DNAH17: variants seen among roughly 807,000 people sequenced by gnomAD.
DNAH17 encodes the protein dynein axonemal heavy chain 17.
DNAH17 carries 376 observed loss-of-function variants against 485.6 expected under a neutral mutation model. The observed-to-expected ratio is 0.77, with a 90% CI of 0.71 to 0.84. The LOEUF is 0.84. Ranked by LOEUF, DNAH17 falls within the 40% of genes least tolerant of loss-of-function variation. The pLI is 0.00. For missense variants in DNAH17, 6,370 were observed against 5,839.3 expected (o/e 1.09, Z -2.96); for synonymous variants, 3,031 against 2,405.9 (o/e 1.26, Z -7.60).
In DNAH17 at chr17:78,514,861, G is replaced by A. The variant is rs370781337; in HGVS notation, c.4026C>T (p.Asn1342=). ...TCACGGCACGCAGGGACGTGATCAC[G>A]TTTTTCACGGTGTTGTCGAGCCCCA... ...AFVGLDNTVK[N]VITSLRAVSE... The change falls in exon 26 of 81, where the codon AAC becomes AAT. Residue 1342 remains asparagine (N), a synonymous_variant. Transcript: ENST00000389840. 71 of 1,613,926 alleles carry A rather than the reference G, an allele frequency of 4.4e-5. No homozygotes were observed. Among genetic ancestry groups the A allele is most frequent in the Admixed American group, 1.2e-4 (7 of 60,000 alleles).
chr17:78,477,928 C>T (rs1452338315), intron 51 of DNAH17, among the ~76,000 whole-genome samples: 20 of 149,492 alleles, frequency 1.3e-4, no homozygotes, highest in African/African-American at 5.1e-4. Flanking sequence ...CCATCACCAC[C>T]ATCATCACCA....
Position 78,502,713 on chromosome 17 carries a change from C to A in DNAH17, c.5083-15G>T, listed in dbSNP as rs771332481. ...GTCAGGGCCACCTGAAAGTACATAC[C>A]CCCCATTGCCCACGCAGTGAGCGAT... is the stretch of plus-strand genomic sequence containing the variant. On this transcript the variant is annotated splice_polypyrimidine_tract_variant and intron_variant, in intron 32 of 80. Coordinates refer to ENST00000389840, the MANE Select transcript of DNAH17 (RefSeq NM_173628.4). 9.9e-6 allele frequency: 16 copies of A among 1,608,320 alleles called. No homozygotes were observed. Among genetic ancestry groups the A allele is most frequent in the Non-Finnish European group, 1.4e-5 (16 of 1,179,156 alleles).
chr17:78,495,217 T>C (rs967706603), intron 38 of DNAH17, 120 bp from the exon 39 acceptor site: 2 of 1,310,130 alleles, frequency 1.5e-6, no homozygotes, highest in Non-Finnish European at 2.0e-6. Context: ...CAGCAGAGTG[T>C]TGAACCTTCG....
Position 78,444,803 on chromosome 17 carries a change from G to A in DNAH17, c.11335-6C>T, listed in dbSNP as rs2087211659. 4 of 1,557,034 alleles carry A rather than the reference G, an allele frequency of 2.6e-6. No individual in the cohort carries two copies. In the East Asian group the frequency reaches 6.8e-5, roughly 26 times the overall value. On this transcript the variant is annotated splice_polypyrimidine_tract_variant and splice_region_variant and intron_variant, in intron 70 of 80. Transcript: ENST00000389840. ...TCATCCATCTCCGAGAGGGCCTAGG[G>A]GCAGAGGCAGCGGGCCCTGTGACTC... is the stretch of plus-strand genomic sequence containing the variant.
At chr17:78,569,325 T>C in intron 8 of DNAH17, 50 bp downstream of exon 8, 1 of 1,606,540 alleles carries the variant, frequency 6.2e-7, no homozygotes, top group Non-Finnish European at 8.5e-7. Flanking sequence ...TCGGGGCTCA[T>C]ATGAACTCAC....
At chr17:78,563,033 G>T (rs1403511223) in intron 11 of DNAH17, among the ~76,000 whole-genome samples, 2 of 152,318 alleles carry the variant, frequency 1.3e-5, no homozygotes, top group South Asian at 4.1e-4. Context: ...TGAGAAAGGT[G>T]ACCACTGTCC....
chr17:78,543,718 T>C, intron 17 of DNAH17, 139 bp downstream of exon 17: 3 of 1,324,292 alleles, frequency 2.3e-6, no homozygotes, highest in Non-Finnish European at 2.1e-6. Context: ...AGCCACTGCA[T>C]CCAGCCAGGT....
intron 56 of DNAH17, among the ~76,000 whole-genome samples, chr17:78,463,524 A>T (rs2088257975): frequency 6.6e-6 from 1 of 152,318 alleles, no homozygotes; most frequent in East Asian, 1.9e-4. Context: ...ACATACCTGC[A>T]TATGTACACG....
In DNAH17 at chr17:78,441,078, C is replaced by T. The variant is rs1200327446; in HGVS notation, c.11650G>A (p.Asp3884Asn). 1 of 1,606,184 alleles carries T rather than the reference C, an allele frequency of 6.2e-7. No individual in the cohort carries two copies. Among genetic ancestry groups the T allele is most frequent in the Non-Finnish European group, 8.5e-7 (1 of 1,176,258 alleles). ...SIFFILSPGVDPLKDVEALGK... is the reference protein window; with the variant it reads ...SIFFILSPGVNPLKDVEALGK... Reference sequence around the variant, plus strand: ...AGGGCTTCCACGTCTTTCAAGGGGTCAACCCCCGGGGAGAGGATGAAGAAG... The same window carrying T: ...AGGGCTTCCACGTCTTTCAAGGGGTTAACCCCCGGGGAGAGGATGAAGAAG... Residue 3884 changes from aspartate (D) to asparagine (N), a missense_variant, in exon 72 of 81, where the codon GAC becomes AAC. Physicochemically the swap from Asp to Asn is conservative, Grantham distance 23. Coordinates refer to ENST00000389840, the MANE Select transcript of DNAH17 (RefSeq NM_173628.4).
At chr17:78,490,387 C>T (rs1325560309) in intron 44 of DNAH17, among the ~76,000 whole-genome samples, 1 of 152,196 alleles carries the variant, frequency 6.6e-6, no homozygotes, top group Non-Finnish European at 1.5e-5. Context: ...GGATGGCAGC[C>T]CAAACTTCAA....
chr17:78,526,615 G>A (rs370001729), intron 24 of DNAH17, 36 bp downstream of exon 24: 1 of 1,525,554 alleles, frequency 6.6e-7, no homozygotes, highest in African/African-American at 1.4e-5. Flanking sequence ...GGGGTTCCCA[G>A]ACTTACCCCC....
chr17:78,510,644 T>C, intron 26 of DNAH17, 138 bp from the exon 27 acceptor site: 3 of 1,156,792 alleles, frequency 2.6e-6, no homozygotes, highest in Non-Finnish European at 2.5e-6. Flanking sequence ...AGCTCTGCTC[T>C]GCCATTTTCA....
At chr17:78,438,943 T>C in intron 73 of DNAH17, 147 bp downstream of exon 73, 1 of 1,214,714 alleles carries the variant, frequency 8.2e-7, no homozygotes, top group Non-Finnish European at 1.1e-6. Context: ...ACACTGGGGA[T>C]GCCTCCTCCT....
At chr17:78,484,060 C>T (rs565394800) in intron 48 of DNAH17, among the ~76,000 whole-genome samples, 82 of 119,198 alleles carry the variant, frequency 6.9e-4, no homozygotes, top group Admixed American at 1.3e-3. Context: ...CGAGCCATTG[C>T]ACTCCAGCCT....
rs368611303 is a variant in DNAH17 at position 78,461,586 on chromosome 17, G to A, written c.9297C>T (p.Ala3099=). Residue 3099 remains alanine (A), a synonymous_variant, in exon 58 of 81, where the codon GCC becomes GCT. Coordinates refer to ENST00000389840, the MANE Select transcript of DNAH17 (RefSeq NM_173628.4). ...IEAEKVSKEK[A]IADQEEVKVE... ...CCTTGACTTCTTCCTGGTCAGCAAT[G>A]GCCTTCTCTTTGCTGACCTTCTCGG... 29 of 1,605,186 alleles carry A rather than the reference G, an allele frequency of 1.8e-5. No individual in the cohort carries two copies. The highest frequency in any genetic ancestry group is 9.4e-5 in the African/African-American group (7 of 74,742).
At chr17:78,558,449 G>C (rs902344471) in intron 13 of DNAH17, among the ~76,000 whole-genome samples, 195 bp from the exon 14 acceptor site, 1 of 113,204 alleles carries the variant, frequency 8.8e-6, no homozygotes, top group South Asian at 2.6e-4. Flanking sequence ...GGAAAGCACT[G>C]ACATCACCCT....
At position 78,570,944 on chromosome 17, in the gene DNAH17, G is replaced by GGAA. The variant is rs1181766824; in HGVS notation, c.918+3_918+4insTTC. Reference sequence around the variant, plus strand: ...CCAAAGCCGGCTCTCCCTTGCCTGCGCACCATCGTGAAGTCGGCTTGTTCC... The same window carrying GGAA: ...CCAAAGCCGGCTCTCCCTTGCCTGCGGAACACCATCGTGAAGTCGGCTTGTTCC... On this transcript the variant is annotated splice_donor_region_variant and intron_variant, in intron 6 of 80. Coordinates refer to ENST00000389840, the MANE Select transcript of DNAH17 (RefSeq NM_173628.4). 6 of 1,576,894 alleles carry GGAA rather than the reference G, an allele frequency of 3.8e-6. No individual in the cohort carries two copies. The highest frequency in any genetic ancestry group is 4.3e-6 in the Non-Finnish European group (5 of 1,161,052).
At chr17:78,501,703 T>G (rs746112960) in intron 34 of DNAH17, 39 bp downstream of exon 34, 1 of 1,604,064 alleles carries the variant, frequency 6.2e-7, no homozygotes, top group East Asian at 2.2e-5. Context: ...CGGTGTCCCC[T>G]TGCCCTTCCC....
At chr17:78,474,101 C>G (rs2088899281) in intron 54 of DNAH17, among the ~76,000 whole-genome samples, 2 of 152,252 alleles carry the variant, frequency 1.3e-5, no homozygotes, top group Non-Finnish European at 2.9e-5. Flanking sequence ...ACAGCCTGCA[C>G]TGCCCCTCCA....
Sources: gnomAD v4.1 joint callset for allele counts (sites outside exome capture counted in the v4.1 genomes callset) on GRCh38, gnomAD v4.1.1 for gene constraint, MANE v1.5 for transcripts, NCBI Gene and HGNC (gene_info 2026-07-23, HGNC 2026-07-21) for gene names.